Variants in AUTS2 observed in about 807,000 individuals in gnomAD.
AUTS2 encodes autism susceptibility gene 2 protein.
In AUTS2, 17 loss-of-function variants were observed where a neutral mutation model predicts 112.4. That is an observed-to-expected ratio of 0.15 (90% CI 0.10 to 0.23). The LOEUF (loss-of-function observed/expected upper bound fraction) is 0.23, where lower values mean the gene tolerates loss of function less well. AUTS2 is among the 10% of genes least tolerant of loss of function. The pLI is 1.00. For missense variants in AUTS2, 1,510 were observed against 1,701.6 expected (o/e 0.89, Z 1.98); for synonymous variants, 751 against 702.7 (o/e 1.07, Z -1.09).
rs1188842494 is a variant in AUTS2, at chr7:70,792,485, T to TG, written c.*1490dup. The TG allele has an allele frequency of 7.2e-6, 1 of 139,292 alleles. No individual in the cohort carries two copies. Among genetic ancestry groups the TG allele is most frequent in the East Asian group, 2.0e-4 (1 of 4,926 alleles). 8.6% of individuals were successfully genotyped at this position (139,292 alleles called of 1,614,324 possible). The stretch of plus-strand genomic sequence containing the variant: ...CTATCTGACGTTGTTATCCTGTTTT[T>TG]GCAAAAAAAAAAAAAAAAAAAAGTT... On this transcript the variant is annotated 3_prime_UTR_variant, in exon 19 of 19. Transcript: ENST00000342771.
intron 2 of AUTS2, among the ~76,000 whole-genome samples, chr7:70,050,228 G>T (rs955837586): frequency 6.6e-6 from 1 of 150,950 alleles, no homozygotes. Context: ...GTGGTGGTGC[G>T]CACCTGTAGT....
At chr7:70,479,994 A>C (rs1797728393) in intron 5 of AUTS2, among the ~76,000 whole-genome samples, 1 of 152,350 alleles carries the variant, frequency 6.6e-6, no homozygotes, top group South Asian at 2.1e-4. Context: ...CTGTCCCCCC[A>C]AAATATGGCA....
chr7:70,415,360 C>T (rs1794946217), intron 4 of AUTS2, among the ~76,000 whole-genome samples: 2 of 152,166 alleles, frequency 1.3e-5, no homozygotes, highest in Admixed American at 6.5e-5. Context: ...TGCCTAACAG[C>T]ACAGTCTGAA....
At chr7:70,018,296 A>G (rs927760121) in intron 2 of AUTS2, among the ~76,000 whole-genome samples, 11 of 152,128 alleles carry the variant, frequency 7.2e-5, no homozygotes, top group Admixed American at 6.6e-5. Flanking sequence ...AGTTGAAGGA[A>G]TTCATACACA....
chr7:70,775,107 A>G (rs574453945), intron 12 of AUTS2: 1 of 523,868 alleles, frequency 1.9e-6, no homozygotes, highest in South Asian at 2.7e-5. Flanking sequence ...GCCAGAGGGC[A>G]CATTGCTATT....
At chr7:70,244,598 T>A (rs1292724121) in intron 4 of AUTS2, among the ~76,000 whole-genome samples, 2 of 152,220 alleles carry the variant, frequency 1.3e-5, no homozygotes, top group Non-Finnish European at 2.9e-5. Context: ...GTTCTGTGAA[T>A]GACTAAGGAT....
rs1808936407 is a variant in AUTS2 at position 70,694,327 on chromosome 7, C to T, written c.691-4242C>T. ...CGCCCCGCGCCCCGCCGTTGCAGCG[C>T]CTCCTGGGCCGCGCGCCGGCGAGAT... On this transcript the variant is annotated intron_variant, in intron 5 of 18. Transcript: ENST00000342771. The surrounding 1 kb of genome is among the most constrained non-coding windows in gnomAD (Gnocchi z 4.1). 6.7e-6 allele frequency: 1 copy of T among 149,884 alleles called. No homozygotes were observed. The highest frequency in any genetic ancestry group is 1.5e-5 in the Non-Finnish European group (1 of 67,422). 9.3% of individuals were successfully genotyped at this position (149,884 alleles called of 1,614,324 possible). A position where few individuals can be genotyped will look rare whatever the true frequency, so the allele number is the denominator to read the frequency against.
intron 4 of AUTS2, among the ~76,000 whole-genome samples, chr7:70,419,221 G>A (rs942599630): frequency 1.3e-5 from 2 of 152,138 alleles, no homozygotes; most frequent in South Asian, 4.2e-4. Flanking sequence ...TTTAATGAGT[G>A]AACACAACCC....
intron 4 of AUTS2, among the ~76,000 whole-genome samples, chr7:70,196,901 T>C (rs967969752): frequency 3.3e-5 from 5 of 152,210 alleles, no homozygotes; most frequent in Admixed American, 1.3e-4. Context: ...TGTTGTTCTC[T>C]CTTAAGAAAA....
chr7:70,792,494 A>C lies in AUTS2; in HGVS notation c.*1498A>C, dbSNP rs1045962613. ...GTTGTTATCCTGTTTTTGCAAAAAA[A>C]AAAAAAAAAAAAAGTTAACTACAGA... On this transcript the variant is annotated 3_prime_UTR_variant, in exon 19 of 19. Transcript: ENST00000342771. 1.3e-5 allele frequency: 2 copies of C among 151,962 alleles called. No individual in the cohort carries two copies. Among genetic ancestry groups the C allele is most frequent in the Non-Finnish European group, 1.5e-5 (1 of 67,864 alleles). 9.4% of individuals were successfully genotyped at this position (151,962 alleles called of 1,614,324 possible).
rs139705285 is a variant in AUTS2 at position 69,975,756 on chromosome 7, C to T, written c.522+76258C>T. Among the ~76,000 whole-genome samples the T allele has an allele frequency of 8.8e-3, 1,332 of 151,704 alleles. 22 individuals carry two copies. Among genetic ancestry groups the T allele is most frequent in the African/African-American group, 0.031 (1,266 of 41,324 alleles). On this transcript the variant is annotated intron_variant, in intron 2 of 18. Transcript: ENST00000342771. Reference sequence around the variant, plus strand: ...AGGCTGGAGTACAGTGGCATGATCTCGGCTCACTGCAACCTCTGCCTCCTG... The same window carrying T: ...AGGCTGGAGTACAGTGGCATGATCTTGGCTCACTGCAACCTCTGCCTCCTG...
intron 1 of AUTS2, among the ~76,000 whole-genome samples, chr7:69,691,438 C>T (rs1000892556): frequency 2.6e-5 from 4 of 152,170 alleles, no homozygotes; most frequent in Admixed American, 1.3e-4. Flanking sequence ...TCCTCCACTT[C>T]CCTCCTGCAC....
intron 5 of AUTS2, among the ~76,000 whole-genome samples, chr7:70,523,895 C>G (rs1423191457): frequency 6.6e-6 from 1 of 152,194 alleles, no homozygotes; most frequent in African/African-American, 2.4e-5. Context: ...CTGGGTTTCT[C>G]ACTGCCCTGC....
rs114586823 is a variant in AUTS2, at chr7:70,394,857, C to T, written c.661-40895C>T. On this transcript the variant is annotated intron_variant, in intron 4 of 18. Coordinates refer to ENST00000342771, the MANE Select transcript of AUTS2 (RefSeq NM_015570.4). ...CTTTGGGAGGCCAAAGTGAGAGGAT[C>T]GCCTGCAGCCAGGAGTTTGAGACCA... Among the ~76,000 whole-genome samples, 937 of 151,788 alleles carry T rather than the reference C, an allele frequency of 6.2e-3. 12 individuals are homozygous for T. Among genetic ancestry groups the T allele is most frequent in the African/African-American group, 0.021 (885 of 41,388 alleles).
At chr7:69,711,791 G>A (rs1798338400) in intron 1 of AUTS2, among the ~76,000 whole-genome samples, 1 of 152,118 alleles carries the variant, frequency 6.6e-6, no homozygotes, top group Admixed American at 6.5e-5. Context: ...AAGATTATTG[G>A]TTCTGAGGAA....
intron 8 of AUTS2, 125 bp downstream of exon 8, chr7:70,765,130 A>G: frequency 7.6e-7 from 1 of 1,308,574 alleles, no homozygotes; most frequent in South Asian, 1.4e-5. Flanking sequence ...CCTTACTGTG[A>G]TCTTCCTCAA....
At chr7:70,493,082 T>C (rs950546702) in intron 5 of AUTS2, among the ~76,000 whole-genome samples, 15 of 152,140 alleles carry the variant, frequency 9.9e-5, no homozygotes, top group Non-Finnish European at 1.9e-4. Flanking sequence ...TCCTAGTGAT[T>C]GCTGGTAAAG....
intron 2 of AUTS2, among the ~76,000 whole-genome samples, chr7:70,098,167 A>G (rs1364913079): frequency 1.3e-5 from 2 of 152,218 alleles, no homozygotes; most frequent in Admixed American, 6.5e-5. Flanking sequence ...CCTGAATATA[A>G]GAGAACTGTG....
In AUTS2 at chr7:70,642,943, G is replaced by T. The variant is rs111903960; in HGVS notation, c.691-55626G>T. On this transcript the variant is annotated intron_variant, in intron 5 of 18. Transcript: ENST00000342771. The stretch of plus-strand genomic sequence containing the variant: ...CTTCAGTCATTTCCACTTGCCAGGT[G>T]AAGGAGTCCCTGCATTCATCAGGCC... 6.0e-3 allele frequency among the ~76,000 whole-genome samples: 919 copies of T among 152,326 alleles called. 4 individuals are homozygous for T. Among genetic ancestry groups the T allele is most frequent in the Middle Eastern group, 0.02 (6 of 294 alleles).
Sources: gnomAD v4.1 joint callset for allele counts (sites outside exome capture counted in the v4.1 genomes callset) on GRCh38, gnomAD v4.1.1 for gene constraint, Gnocchi (gnomAD v3.1) non-coding constraint, MANE v1.5 for transcripts, NCBI Gene and HGNC (gene_info 2026-07-23, HGNC 2026-07-21) for gene names.